Variants in TTC38 observed in about 807,000 individuals in gnomAD.
TTC38 encodes tetratricopeptide repeat protein 38.
A neutral mutation model predicts 64.2 loss-of-function variants in TTC38; 64 were observed. That is an observed-to-expected ratio of 1.00 (90% CI 0.81 to 1.23). TTC38 has a LOEUF of 1.23. Among genes scored for constraint, TTC38 ranks in the 50% most tolerant of loss-of-function variants. TTC38 has a pLI of 0.00. For synonymous variants in TTC38, 254 were observed against 249.3 expected (o/e 1.02, Z -0.18); for missense variants, 573 against 615.5 (o/e 0.93, Z 0.73).
rs1227959893 is a variant in TTC38 at position 46,293,412 on chromosome 22, A to G, written c.*528A>G. 6.4e-6 allele frequency: 1 copy of G among 155,150 alleles called. No individual in the cohort carries two copies. The highest frequency in any genetic ancestry group is 2.4e-5 in the African/African-American group (1 of 41,490). 9.6% of individuals were successfully genotyped at this position (155,150 alleles called of 1,614,324 possible). A position where few individuals can be genotyped will look rare whatever the true frequency, so the allele number is the denominator to read the frequency against. On this transcript the variant is annotated 3_prime_UTR_variant, in exon 14 of 14. Coordinates refer to ENST00000381031, the MANE Select transcript of TTC38 (RefSeq NM_017931.4). This position sits in a 1 kb window ranked among gnomAD's most constrained non-coding sequence, Gnocchi z 6.6. ...GTAGGGGAGTGGCCTGCCCAGGGTCACACTATGAGAGGCCCCCACCTGCTG... is the reference window on the plus strand; with the variant it reads ...GTAGGGGAGTGGCCTGCCCAGGGTCGCACTATGAGAGGCCCCCACCTGCTG...
At chr22:46,268,208 G>A (rs1936805544) in intron 1 of TTC38, 136 bp downstream of exon 1, 2 of 992,022 alleles carry the variant, frequency 2.0e-6, no homozygotes, top group Non-Finnish European at 2.9e-6. Flanking sequence ...GCGCGTCCGC[G>A]GCAACGCCTG....
chr22:46,270,768 AG>A lies in TTC38; in HGVS notation c.112-1565del, dbSNP rs1169548297. Among the ~76,000 whole-genome samples the A allele has an allele frequency of 5.3e-5, 8 of 152,098 alleles. No homozygotes were observed. Among genetic ancestry groups the A allele is most frequent in the African/African-American group, 1.9e-4 (8 of 41,508 alleles). ...AGGAATTCTTGAACCAGGGAGGTGG[AG>A]GTTGTAGTGAGCTGAGATAGTGCCA... On this transcript the variant is annotated intron_variant, in intron 2 of 13. Transcript: ENST00000381031. This position sits in a 1 kb window ranked among gnomAD's most constrained non-coding sequence, Gnocchi z 4.7.
At chr22:46,277,046 TACACACACACACACAC>T (rs4044315) in intron 5 of TTC38, among the ~76,000 whole-genome samples, 10 of 131,274 alleles carry the variant, frequency 7.6e-5, no homozygotes, top group South Asian at 4.8e-4. Flanking sequence ...TATATATACA[TACACACACACACACAC>T]ACACACACAC....
rs930283302 is a variant in TTC38 at position 46,276,840 on chromosome 22, T to TATATATATATATATATATAA, written c.539+1420_539+1421insTATATATATATATATATAAA. Among the ~76,000 whole-genome samples, 1 of 137,916 alleles carries TATATATATATATATATATAA rather than the reference T, an allele frequency of 7.3e-6. No homozygotes were observed. The highest frequency in any genetic ancestry group is 3.0e-5 in the African/African-American group (1 of 33,648). 90.5% of individuals were successfully genotyped at this position (137,916 alleles called of 152,430 possible). On this transcript the variant is annotated intron_variant, in intron 5 of 13. Coordinates refer to ENST00000381031, the MANE Select transcript of TTC38 (RefSeq NM_017931.4). This position sits in a 1 kb window ranked among gnomAD's most constrained non-coding sequence, Gnocchi z 4.7. ...TATATATTAAATATATATATATATA[T>TATATATATATATATATATAA]AAACATATATATATATAAAAAATAC...
intron 8 of TTC38, 35 bp downstream of exon 8, chr22:46,284,067 A>G (rs1423396739): frequency 1.9e-6 from 3 of 1,553,702 alleles, no homozygotes; most frequent in Middle Eastern, 1.7e-4. Flanking sequence ...GTCTTATCCT[A>G]TAAAGATGTC....
At chr22:46,283,824 C>G (rs2077551601) in intron 7 of TTC38, 149 bp from the exon 8 acceptor site, 1 of 505,686 alleles carries the variant, frequency 2.0e-6, no homozygotes, top group Non-Finnish European at 3.3e-6. Context: ...TACACTCCAG[C>G]CTGAGCAACA....
At chr22:46,278,471 A>C in intron 5 of TTC38, 115 bp from the exon 6 acceptor site, 2 of 849,304 alleles carry the variant, frequency 2.4e-6, no homozygotes, top group South Asian at 1.4e-5. Flanking sequence ...ATTTCCAAAA[A>C]AGGTCACATT....
rs190692235 is a variant in TTC38, at chr22:46,289,814, T to G, written c.1243-12T>G. 5.9e-4 allele frequency: 958 copies of G among 1,614,012 alleles called. No homozygotes were observed. Among genetic ancestry groups the G allele is most frequent in the Admixed American group, 3.6e-3 (214 of 60,030 alleles). On this transcript the variant is annotated splice_polypyrimidine_tract_variant and intron_variant, in intron 12 of 13. Transcript: ENST00000381031. ...AGGTACAGGAGACTCACATGCCCGATTGACATTTCAGAGAGACGTCTTCAA... is the reference window on the plus strand; with the variant it reads ...AGGTACAGGAGACTCACATGCCCGAGTGACATTTCAGAGAGACGTCTTCAA...
At chr22:46,284,333 C>T (rs1368865660) in intron 8 of TTC38, among the ~76,000 whole-genome samples, 2 of 152,192 alleles carry the variant, frequency 1.3e-5, no homozygotes, top group African/African-American at 4.8e-5. Flanking sequence ...GATCTTCCAA[C>T]GGGAGCCAGG....
Position 46,292,923 on chromosome 22 carries a change from T to G in TTC38, c.*39T>G, listed in dbSNP as rs988374891. 5 of 1,499,686 alleles carry G rather than the reference T, an allele frequency of 3.3e-6. No individual in the cohort carries two copies. The Admixed American group carries it at 5.0e-5, about 15-fold the overall frequency. 92.9% of individuals were successfully genotyped at this position (1,499,686 alleles called of 1,614,324 possible). A position where few individuals can be genotyped will look rare whatever the true frequency, so the allele number is the denominator to read the frequency against. ...CCTCCACCCTGCAGAACCTCAGTGG[T>G]GGCGTCACTGCGTCCAGTCAGCTGC... On this transcript the variant is annotated 3_prime_UTR_variant, in exon 14 of 14. Transcript: ENST00000381031. The surrounding 1 kb of genome is among the most constrained non-coding windows in gnomAD (Gnocchi z 6.5).
rs2077588056 is a variant in TTC38 at position 46,288,539 on chromosome 22, G to A, written c.1033G>A (p.Asp345Asn). 6.2e-7 allele frequency: 1 copy of A among 1,613,866 alleles called. No homozygotes were observed. Among genetic ancestry groups the A allele is most frequent in the Non-Finnish European group, 8.5e-7 (1 of 1,179,866 alleles). Residue 345 changes from aspartate to asparagine, a missense_variant, in exon 11 of 14, where the codon GAC (aspartate) becomes AAC (asparagine). This residue lies in a region of TTC38 where 371 missense variants were observed against 381.8 expected (regional missense o/e 0.97). Coordinates refer to ENST00000381031, the MANE Select transcript of TTC38 (RefSeq NM_017931.4). ...HFLMASLGAH[D>N]PQTTQELLTT... ...CCTGATGGCATCCCTGGGTGCACAC[G>A]ACCCCCAGACCACACAGGAGCTGCT...
Position 46,276,357 on chromosome 22 carries a change from G to A in TTC38, c.539+936G>A, listed in dbSNP as rs1316838393. Among the ~76,000 whole-genome samples the A allele has an allele frequency of 6.6e-6, 1 of 152,116 alleles. No homozygotes were observed. The highest frequency in any genetic ancestry group is 1.5e-5 in the Non-Finnish European group (1 of 68,038). ...CTGATTGGATGAGGCCCACCCACAT[G>A]GAGGGTAATCTGCTTTACTCAAATC... On this transcript the variant is annotated intron_variant, in intron 5 of 13. Transcript: ENST00000381031. This position sits in a 1 kb window ranked among gnomAD's most constrained non-coding sequence, Gnocchi z 4.7.
intron 13 of TTC38, among the ~76,000 whole-genome samples, chr22:46,290,772 C>T (rs1040225315): frequency 6.6e-6 from 1 of 152,150 alleles, no homozygotes; most frequent in African/African-American, 2.4e-5. Context: ...TTGCCAGCAG[C>T]CTTGGTGCTT....
In TTC38 at chr22:46,273,329, C is replaced by T. The variant is rs1178812360; in HGVS notation, c.194-569C>T. ...CTATGGTTGGGTCCTGGGTCCCAGGCCTGAGCCAGTGACCAAGTTCCAAAT... is the reference window on the plus strand; with the variant it reads ...CTATGGTTGGGTCCTGGGTCCCAGGTCTGAGCCAGTGACCAAGTTCCAAAT... On this transcript the variant is annotated intron_variant, in intron 3 of 13. Transcript: ENST00000381031. This position sits in a 1 kb window ranked among gnomAD's most constrained non-coding sequence, Gnocchi z 5.1. 6.6e-6 allele frequency among the ~76,000 whole-genome samples: 1 copy of T among 152,210 alleles called. No individual in the cohort carries two copies. The highest frequency in any genetic ancestry group is 1.9e-4 in the East Asian group (1 of 5,192).
In TTC38 at chr22:46,275,146, T is replaced by TC. The variant is rs1269796082; in HGVS notation, c.366-100dup. 1.7e-6 allele frequency: 2 copies of TC among 1,163,534 alleles called. No individual in the cohort carries two copies. The highest frequency in any genetic ancestry group is 3.1e-5 in the African/African-American group (2 of 63,868). 72.1% of individuals were successfully genotyped at this position (1,163,534 alleles called of 1,614,324 possible). A position where few individuals can be genotyped will look rare whatever the true frequency, so the allele number is the denominator to read the frequency against. On this transcript the variant is annotated intron_variant, in intron 4 of 13. Transcript: ENST00000381031. The surrounding 1 kb of genome is among the most constrained non-coding windows in gnomAD (Gnocchi z 4.5). Reference sequence around the variant, plus strand: ...AGAAACTGATTTTTAAAAAAACACATCCATGTAGACCATGACACTGGTGAG... The same window carrying TC: ...AGAAACTGATTTTTAAAAAAACACATCCCATGTAGACCATGACACTGGTGAG...
Position 46,292,770 on chromosome 22 carries a change from C to A in TTC38, c.1317-21C>A. 6.2e-7 allele frequency: 1 copy of A among 1,607,102 alleles called. No homozygotes were observed. Among genetic ancestry groups the A allele is most frequent in the Non-Finnish European group, 8.5e-7 (1 of 1,173,882 alleles). ...CCCTCTAGAAGGTTCTGTAACAGGA[C>A]CTCTGTGTCTGTTTCCACAGGAGCC... On this transcript the variant is annotated intron_variant, in intron 13 of 13. Transcript: ENST00000381031. This position sits in a 1 kb window ranked among gnomAD's most constrained non-coding sequence, Gnocchi z 6.5.
chr22:46,268,453 T>A, intron 1 of TTC38, 61 bp from the exon 2 acceptor site: 1 of 1,536,330 alleles, frequency 6.5e-7, no homozygotes, highest in Non-Finnish European at 9.0e-7. Context: ...GACGTGTGTG[T>A]GTTGAAGTTT....
At position 46,281,494 on chromosome 22, in the gene TTC38, C is replaced by G; in HGVS notation, c.616-105C>G. On this transcript the variant is annotated intron_variant, in intron 6 of 13. Coordinates refer to ENST00000381031, the MANE Select transcript of TTC38 (RefSeq NM_017931.4). The surrounding 1 kb of genome is among the most constrained non-coding windows in gnomAD (Gnocchi z 5.2). Reference sequence around the variant, plus strand: ...CCCCGCCCCCCCACTTGCTCCACCCCGTTCAGCCCAGGCCCCTCTTGCCCC... The same window carrying G: ...CCCCGCCCCCCCACTTGCTCCACCCGGTTCAGCCCAGGCCCCTCTTGCCCC... 1 of 1,370,992 alleles carries G rather than the reference C, an allele frequency of 7.3e-7. No individual in the cohort carries two copies. Among genetic ancestry groups the G allele is most frequent in the Non-Finnish European group, 1.0e-6 (1 of 992,506 alleles). 84.9% of individuals were successfully genotyped at this position (1,370,992 alleles called of 1,614,324 possible).
chr22:46,285,606 AT>A (rs113178433), intron 9 of TTC38, among the ~76,000 whole-genome samples: 15,443 of 145,496 alleles, frequency 0.11, 1,725 homozygotes, highest in African/African-American at 0.29. Flanking sequence ...ACCCATAGGA[AT>A]TTTTTTTTTT....
Sources: allele counts gnomAD v4.1 joint callset (sites outside exome capture counted in the v4.1 genomes callset), GRCh38; gene constraint gnomAD v4.1.1; regional missense constraint gnomAD v4.1.1; non-coding constraint Gnocchi (gnomAD v3.1); transcripts MANE v1.5; gene names NCBI Gene and HGNC (gene_info 2026-07-23, HGNC 2026-07-21).